ZNF169: variants seen among roughly 807,000 people sequenced by gnomAD.
ZNF169 encodes zinc finger protein 169.
Under a neutral mutation model 12.0 loss-of-function variants are expected in ZNF169, and 11 were observed. That is an observed-to-expected ratio of 0.92 (90% confidence interval 0.58 to 1.52). The LOEUF is 1.52. Among genes scored for constraint, ZNF169 ranks in the 40% most tolerant of loss-of-function variants. ZNF169 has a pLI of 0.00. For synonymous variants in ZNF169, 302 were observed against 286.5 expected, an observed-to-expected ratio of 1.05 and a Z score of -0.55; for missense variants, 722 against 744.0, an observed-to-expected ratio of 0.97 and a Z score of 0.34.
chr9:94,265,031 T>G (rs541652923), intron 1 of ZNF169, among the ~76,000 whole-genome samples: 35 of 143,274 alleles, frequency 2.4e-4, no homozygotes, highest in African/African-American at 6.7e-4. Context: ...GTTTTTTTTT[T>G]TTTTTTTTTT....
At chr9:94,287,356 A>T (rs10993141) in intron 2 of ZNF169, among the ~76,000 whole-genome samples, 23 of 151,246 alleles carry the variant, frequency 1.5e-4, no homozygotes, top group South Asian at 2.1e-4. Flanking sequence ...ATACTGCAAA[A>T]TTGTTTGTTT....
chr9:94,271,709 A>T (rs1490644637), intron 1 of ZNF169, among the ~76,000 whole-genome samples: 1 of 131,182 alleles, frequency 7.6e-6, no homozygotes, highest in African/African-American at 3.0e-5. Flanking sequence ...ACAGGGCAAG[A>T]CTCTGTCTCA....
At chr9:94,292,524 C>T in intron 3 of ZNF169, 57 bp downstream of exon 3, 1 of 1,571,394 alleles carries the variant, frequency 6.4e-7, no homozygotes, top group Non-Finnish European at 8.6e-7. Flanking sequence ...TAAGCTCTTA[C>T]ATAGCAAGCT....
chr9:94,270,960 TAA>T, intron 1 of ZNF169, among the ~76,000 whole-genome samples: 1 of 11,146 alleles, frequency 9.0e-5, no homozygotes. Context: ...AATATATAAA[TAA>T]TATATTATAT....
chr9:94,287,356 A>ATTGTTTGT (rs144633861), intron 2 of ZNF169, among the ~76,000 whole-genome samples: 146 of 151,364 alleles, frequency 9.6e-4, no homozygotes, highest in East Asian at 2.5e-3. Context: ...ATACTGCAAA[A>ATTGTTTGT]TTGTTTGTTT....
chr9:94,301,491 T>C lies in ZNF169; in HGVS notation c.*121T>C. The stretch of plus-strand genomic sequence containing the variant: ...TTCATCGATCATGAGATAGTTGATT[T>C]TTGGTTTACTTTCTATATTCACAAT... On this transcript the variant is annotated 3_prime_UTR_variant, in exon 5 of 5. Transcript: ENST00000395395. 7.0e-7 allele frequency: 1 copy of C among 1,436,672 alleles called. No individual in the cohort carries two copies. The highest frequency in any genetic ancestry group is 9.2e-7 in the Non-Finnish European group (1 of 1,092,192). 89.0% of individuals were successfully genotyped at this position (1,436,672 alleles called of 1,614,324 possible). A position where few individuals can be genotyped will look rare whatever the true frequency, so the allele number is the denominator to read the frequency against.
chr9:94,299,556 A>G (rs1831013390), intron 4 of ZNF169: 12 of 1,339,558 alleles, frequency 9.0e-6, no homozygotes, highest in Non-Finnish European at 1.1e-5. Context: ...GCGGCGCCCA[A>G]GAAAGGAAGA....
In ZNF169 at chr9:94,300,427, A is replaced by G; in HGVS notation, c.869A>G (p.Tyr290Cys). Residue 290 changes from tyrosine to cysteine, a missense_variant, in exon 5 of 5, where the codon TAT becomes TGT. Coordinates refer to ENST00000395395, the MANE Select transcript of ZNF169 (RefSeq NM_194320.4). ...AGGAAGCACTCGGGGGAGAAGCCGT[A>G]TGTGTGCAGGGAATGTGGGCGACAC... The part of the protein sequence containing the change: ...HQRKHSGEKP[Y>C]VCRECGRHFR... 1 of 1,613,466 alleles carries G rather than the reference A, an allele frequency of 6.2e-7. No individual in the cohort carries two copies. The highest frequency in any genetic ancestry group is 1.1e-5 in the South Asian group (1 of 91,048).
At chr9:94,292,640 T>TGTGTGTGTGTGTGTGTGC (rs35889937) in intron 3 of ZNF169, 173 bp downstream of exon 3, 467 of 741,040 alleles carry the variant, frequency 6.3e-4, no homozygotes, top group African/African-American at 1.2e-3. Context: ...TGTGTGTGTG[T>TGTGTGTGTGTGTGTGTGC]GCGCGTGCAC....
At chr9:94,275,661 ATTATC>A (rs1444574848) in intron 1 of ZNF169, among the ~76,000 whole-genome samples, 1 of 151,742 alleles carries the variant, frequency 6.6e-6, no homozygotes, top group African/African-American at 2.4e-5. Flanking sequence ...TTGTCTTTTC[ATTATC>A]TTATCAGTGA....
At position 94,300,090 on chromosome 9, in the gene ZNF169, G is replaced by T. The variant is rs1405651962; in HGVS notation, c.532G>T (p.Gly178Trp). 6.2e-7 allele frequency: 1 copy of T among 1,614,152 alleles called. No homozygotes were observed. The highest frequency in any genetic ancestry group is 1.1e-5 in the South Asian group (1 of 91,086). ...AGGTGACCCAGTAGAATGGGTAGAA[G>T]GGAACAGAGAAGGAGGAACAGACCT... ...HQGDPVEWVEGNREGGTDLRL... is the reference protein window; with the variant it reads ...HQGDPVEWVEWNREGGTDLRL... The change falls in exon 5 of 5, where the codon GGG (glycine) becomes TGG (tryptophan). Residue 178 changes from glycine (G) to tryptophan (W), a missense_variant. Gly to Trp is a radical substitution (Grantham distance 184). Coordinates refer to ENST00000395395, the MANE Select transcript of ZNF169 (RefSeq NM_194320.4).
intron 2 of ZNF169, among the ~76,000 whole-genome samples, chr9:94,284,480 AT>A (rs1830688994): frequency 6.6e-6 from 1 of 152,134 alleles, no homozygotes. Context: ...CCAGGTAGCA[AT>A]TTTTTTATAA....
intron 1 of ZNF169, among the ~76,000 whole-genome samples, chr9:94,259,645 C>T (rs1031053982): frequency 6.6e-6 from 1 of 152,140 alleles, no homozygotes; most frequent in African/African-American, 2.4e-5. Flanking sequence ...ACCGACTTCC[C>T]GAGCTACTTC....
chr9:94,297,759 T>A (rs1830980895), intron 4 of ZNF169, among the ~76,000 whole-genome samples: 1 of 152,242 alleles, frequency 6.6e-6, no homozygotes, highest in African/African-American at 2.4e-5. Context: ...TGTTAAGTAG[T>A]TTAATTCCAT....
intron 1 of ZNF169, among the ~76,000 whole-genome samples, chr9:94,265,238 T>G (rs1383288936): frequency 1.3e-5 from 2 of 152,066 alleles, no homozygotes; most frequent in Non-Finnish European, 2.9e-5. Context: ...TTTTTATTTC[T>G]GTAACCGGTT....
chr9:94,278,722 C>T, intron 1 of ZNF169, 36 bp from the exon 2 acceptor site: 1 of 1,284,666 alleles, frequency 7.8e-7, no homozygotes, highest in Non-Finnish European at 1.1e-6. Flanking sequence ...GGTGTTCTTC[C>T]CAAGTACCTC....
At chr9:94,259,536 G>A (rs911232875) in intron 1 of ZNF169, among the ~76,000 whole-genome samples, 191 bp downstream of exon 1, 4 of 152,252 alleles carry the variant, frequency 2.6e-5, no homozygotes, top group African/African-American at 9.6e-5. Context: ...GGTCTTGGCG[G>A]AGGTCCTCTG....
At chr9:94,286,216 A>C (rs758222176) in intron 2 of ZNF169, among the ~76,000 whole-genome samples, 11 of 152,184 alleles carry the variant, frequency 7.2e-5, no homozygotes, top group African/African-American at 1.7e-4. Context: ...TTATTACTGA[A>C]GAATTACAGA....
intron 1 of ZNF169, among the ~76,000 whole-genome samples, chr9:94,276,983 C>T (rs1028885847): frequency 6.6e-6 from 1 of 152,180 alleles, no homozygotes; most frequent in Non-Finnish European, 1.5e-5. Context: ...TGACACAGCC[C>T]TCAGGAGGTC....
Sources: gnomAD v4.1 joint callset for allele counts (sites outside exome capture counted in the v4.1 genomes callset) on GRCh38, gnomAD v4.1.1 for gene constraint, MANE v1.5 for transcripts, NCBI Gene and HGNC (gene_info 2026-07-23, HGNC 2026-07-21) for gene names.